MSRA: variants seen among roughly 807,000 people sequenced by gnomAD.
The protein encoded by MSRA is mitochondrial peptide methionine sulfoxide reductase.
Under a neutral mutation model 31.3 loss-of-function variants are expected in MSRA, and 54 were observed. The ratio of observed to expected loss-of-function variants is 1.73; its 90% CI spans 1.39 to 2.17. The LOEUF is 2.17. Among genes scored for constraint, MSRA ranks in the 30% most tolerant of loss-of-function variants. MSRA has a pLI of 0.00. For missense variants in MSRA, 507 were observed against 300.9 expected, an observed-to-expected ratio of 1.69 and a Z score of -5.07; for synonymous variants, 169 against 116.5, an observed-to-expected ratio of 1.45 and a Z score of -2.90.
intron 1 of MSRA, among the ~76,000 whole-genome samples, chr8:10,124,925 G>A (rs1801393388): frequency 6.6e-6 from 1 of 152,202 alleles, no homozygotes; most frequent in East Asian, 1.9e-4. Flanking sequence ...TAGAAAGGTA[G>A]AGAACATTAT....
intron 5 of MSRA, among the ~76,000 whole-genome samples, chr8:10,332,666 G>A (rs1286454115): frequency 2.0e-5 from 3 of 152,176 alleles, no homozygotes; most frequent in Admixed American, 6.5e-5. Flanking sequence ...TGGTTTAGTT[G>A]CATGTGGGTG....
intron 1 of MSRA, among the ~76,000 whole-genome samples, chr8:10,174,630 C>A (rs1388908683): frequency 6.6e-6 from 1 of 152,058 alleles, no homozygotes; most frequent in African/African-American, 2.4e-5. Context: ...TCTGTTTTCA[C>A]CCCTCTGGAG....
intron 5 of MSRA, among the ~76,000 whole-genome samples, chr8:10,395,405 G>T (rs1486409168): frequency 6.6e-6 from 1 of 152,158 alleles, no homozygotes. Flanking sequence ...AGAGTAGGGA[G>T]TGGAGGTACT....
chr8:10,223,656 C>A (rs1810722558), intron 2 of MSRA, among the ~76,000 whole-genome samples: 1 of 152,080 alleles, frequency 6.6e-6, no homozygotes, highest in Non-Finnish European at 1.5e-5. Context: ...GGAGTGTCAC[C>A]AGAAGCCCAG....
At chr8:10,153,346 C>A (rs1334862236) in intron 1 of MSRA, among the ~76,000 whole-genome samples, 1 of 152,128 alleles carries the variant, frequency 6.6e-6, no homozygotes, top group Non-Finnish European at 1.5e-5. Flanking sequence ...TTCCACCTTC[C>A]TTTCCCTCCT....
chr8:10,320,082 G>C (rs1451329385), intron 5 of MSRA, 93 bp downstream of exon 5: 1 of 742,386 alleles, frequency 1.3e-6, no homozygotes, highest in Non-Finnish European at 2.2e-6. Context: ...TTTTCAACTG[G>C]AATTGTGTTT....
At chr8:10,281,140 G>A (rs1201960522) in intron 3 of MSRA, among the ~76,000 whole-genome samples, 5 of 152,114 alleles carry the variant, frequency 3.3e-5, no homozygotes, top group African/African-American at 1.2e-4. Flanking sequence ...TTAAATAGGT[G>A]GATTGTATAG....
At chr8:10,131,072 T>C (rs1409443505) in intron 1 of MSRA, among the ~76,000 whole-genome samples, 1 of 152,216 alleles carries the variant, frequency 6.6e-6, no homozygotes, top group Non-Finnish European at 1.5e-5. Flanking sequence ...GACACATTCT[T>C]GCCTATTGCT....
chr8:10,337,777 G>A (rs1054206360), intron 5 of MSRA: 17 of 702,412 alleles, frequency 2.4e-5, no homozygotes, highest in Non-Finnish European at 3.9e-5. Flanking sequence ...AACTCGCCTG[G>A]GTGCAGCCAT....
chr8:10,392,495 C>T (rs913201821), intron 5 of MSRA, among the ~76,000 whole-genome samples: 4 of 152,140 alleles, frequency 2.6e-5, no homozygotes, highest in Admixed American at 6.5e-5. Flanking sequence ...CAGAGCTGCT[C>T]CTTCCGCTCT....
At chr8:10,348,430 C>T (rs1406857207) in intron 5 of MSRA, among the ~76,000 whole-genome samples, 4 of 117,046 alleles carry the variant, frequency 3.4e-5, no homozygotes, top group Non-Finnish European at 1.6e-5. Context: ...AGTGCAGTGG[C>T]GTGATCTCGG....
intron 5 of MSRA, among the ~76,000 whole-genome samples, chr8:10,391,996 CT>C (rs1214836452): frequency 1.3e-5 from 2 of 152,162 alleles, no homozygotes; most frequent in Admixed American, 1.3e-4. Flanking sequence ...ACTTCAGACT[CT>C]TATATTTGAA....
intron 1 of MSRA, among the ~76,000 whole-genome samples, chr8:10,140,521 T>A (rs1802610802): frequency 6.6e-6 from 1 of 152,234 alleles, no homozygotes; most frequent in Admixed American, 6.5e-5. Context: ...TGATGGCCTA[T>A]AATAAATTCA....
intron 3 of MSRA, among the ~76,000 whole-genome samples, chr8:10,286,047 G>C (rs1799917627): frequency 1.3e-5 from 2 of 152,078 alleles, no homozygotes; most frequent in African/African-American, 4.8e-5. Flanking sequence ...GGAGCTGTGG[G>C]GTTCTGATAC....
At chr8:10,131,098 T>C (rs1267561251) in intron 1 of MSRA, among the ~76,000 whole-genome samples, 1 of 152,226 alleles carries the variant, frequency 6.6e-6, no homozygotes, top group Non-Finnish European at 1.5e-5. Flanking sequence ...CCTTTGTTTC[T>C]TATTTATTTC....
chr8:10,331,812 C>A (rs911685909), intron 5 of MSRA, among the ~76,000 whole-genome samples: 2 of 152,218 alleles, frequency 1.3e-5, no homozygotes, highest in African/African-American at 4.8e-5. Context: ...ATACCTAATA[C>A]AATGCACATA....
intron 4 of MSRA, among the ~76,000 whole-genome samples, chr8:10,308,405 C>T (rs1801255471): frequency 6.6e-6 from 1 of 152,196 alleles, no homozygotes; most frequent in Non-Finnish European, 1.5e-5. Context: ...GCTGTGCGGA[C>T]AGGCCTCATT....
intron 1 of MSRA, among the ~76,000 whole-genome samples, chr8:10,136,406 C>T (rs1380934129): frequency 6.6e-6 from 1 of 152,212 alleles, no homozygotes; most frequent in Non-Finnish European, 1.5e-5. Flanking sequence ...GCCTAGCAAG[C>T]TCTGAGCTCC....
intron 1 of MSRA, among the ~76,000 whole-genome samples, chr8:10,124,841 A>T (rs1313555691): frequency 6.6e-6 from 1 of 152,228 alleles, no homozygotes; most frequent in African/African-American, 2.4e-5. Context: ...AATTCATGAC[A>T]TGTAATTTCA....
Sources: allele counts gnomAD v4.1 joint callset (sites outside exome capture counted in the v4.1 genomes callset), GRCh38; gene constraint gnomAD v4.1.1; transcripts MANE v1.5; gene names NCBI Gene and HGNC (gene_info 2026-07-23, HGNC 2026-07-21).